TEAD4: variants seen among roughly 807,000 people sequenced by gnomAD.
TEAD4 encodes TEA domain transcription factor 4.
Under a neutral mutation model 52.4 loss-of-function variants are expected in TEAD4, and 36 were observed. That is an observed-to-expected ratio of 0.69 (90% CI 0.53 to 0.91). The LOEUF (loss-of-function observed/expected upper bound fraction) is 0.91, where lower values mean the gene tolerates loss of function less well. TEAD4 is among the 40% of genes least tolerant of loss of function. The pLI, the probability that TEAD4 is intolerant of heterozygous loss-of-function variation, is 0.00. For synonymous variants in TEAD4, 220 were observed against 231.0 expected, an observed-to-expected ratio of 0.95 and a Z score of 0.43; for missense variants, 508 against 583.9, an observed-to-expected ratio of 0.87 and a Z score of 1.34.
chr12:2,988,508 C>CAAAA (rs35233597), intron 2 of TEAD4, among the ~76,000 whole-genome samples: 1 of 131,326 alleles, frequency 7.6e-6, no homozygotes. Context: ...AAAAAAAGCT[C>CAAAA]AAAAAAAAAA....
intron 2 of TEAD4, among the ~76,000 whole-genome samples, chr12:2,962,006 T>C (rs1211255440): frequency 3.3e-5 from 5 of 152,084 alleles, no homozygotes; most frequent in Non-Finnish European, 7.4e-5. Context: ...TGCCAGCTTC[T>C]ATTTTCTGAT....
chr12:3,032,917 G>T (rs747640459), intron 10 of TEAD4, among the ~76,000 whole-genome samples: 1 of 152,300 alleles, frequency 6.6e-6, no homozygotes, highest in East Asian at 1.9e-4. Context: ...AGGCTGCCCC[G>T]GCTCCCCCCG....
chr12:2,990,119 A>G (rs1447442472), intron 2 of TEAD4, among the ~76,000 whole-genome samples: 1 of 152,172 alleles, frequency 6.6e-6, no homozygotes, highest in East Asian at 1.9e-4. Flanking sequence ...ATCTAGCTGT[A>G]TCTAAGTTGT....
Position 2,994,664 on chromosome 12 carries a change from C to T in TEAD4, c.-29-74C>T. 4 of 1,463,960 alleles carry T rather than the reference C, an allele frequency of 2.7e-6. No homozygotes were observed. The highest frequency in any genetic ancestry group is 2.7e-5 in the Admixed American group (1 of 37,280). 90.7% of individuals were successfully genotyped at this position (1,463,960 alleles called of 1,614,324 possible). On this transcript the variant is annotated intron_variant, in intron 2 of 12. Transcript: ENST00000359864. This position sits in a 1 kb window ranked among gnomAD's most constrained non-coding sequence, Gnocchi z 4.7. ...GCAACTGATTCGGGCTCTGGCACTC[C>T]CCGGAGTGCCTTCATCCCGTGGCCC...
intron 3 of TEAD4, among the ~76,000 whole-genome samples, chr12:3,008,237 G>A (rs2098257452): frequency 6.6e-6 from 1 of 152,188 alleles, no homozygotes; most frequent in Non-Finnish European, 1.5e-5. Flanking sequence ...GGTGGTCAGG[G>A]AAGAGACAGT....
intron 10 of TEAD4, among the ~76,000 whole-genome samples, chr12:3,026,427 C>G (rs886708280): frequency 4.6e-5 from 7 of 152,224 alleles, no homozygotes; most frequent in Non-Finnish European, 1.0e-4. Context: ...GCCCAGTGCT[C>G]CTGACATCAT....
intron 3 of TEAD4, among the ~76,000 whole-genome samples, chr12:2,998,065 T>C (rs537644773): frequency 6.6e-6 from 1 of 152,280 alleles, no homozygotes; most frequent in South Asian, 2.1e-4. Flanking sequence ...CTGACTCCTT[T>C]AGTTACCTCA....
intron 3 of TEAD4, among the ~76,000 whole-genome samples, chr12:2,999,417 A>T (rs1426585422): frequency 6.6e-6 from 1 of 152,168 alleles, no homozygotes; most frequent in Non-Finnish European, 1.5e-5. Context: ...CTGTTTGAGG[A>T]CAGGGGTTAG....
At chr12:3,029,269 ACT>A (rs2098273996) in intron 10 of TEAD4, among the ~76,000 whole-genome samples, 2 of 118,710 alleles carry the variant, frequency 1.7e-5, no homozygotes, top group Non-Finnish European at 3.3e-5. Flanking sequence ...ATGAAGTCTC[ACT>A]CTGTCACCCA....
At chr12:2,971,613 C>CTG (rs1355030512) in intron 2 of TEAD4, among the ~76,000 whole-genome samples, 2 of 144,186 alleles carry the variant, frequency 1.4e-5, no homozygotes, top group African/African-American at 5.1e-5. Context: ...GTAGCTGGGA[C>CTG]TACAGGCACC....
intron 6 of TEAD4, among the ~76,000 whole-genome samples, chr12:3,017,749 A>G (rs1191619109): frequency 6.6e-6 from 1 of 152,120 alleles, no homozygotes; most frequent in Non-Finnish European, 1.5e-5. Context: ...GACTCCACAG[A>G]CTTCACAAGG....
chr12:3,035,167 G>C (rs1301127319), intron 10 of TEAD4, among the ~76,000 whole-genome samples: 1 of 152,174 alleles, frequency 6.6e-6, no homozygotes, highest in Non-Finnish European at 1.5e-5. Context: ...TAGAATCCTT[G>C]ATTTCATGGA....
intron 7 of TEAD4, 138 bp from the exon 8 acceptor site, chr12:3,018,977 G>T: frequency 9.6e-7 from 1 of 1,044,444 alleles, no homozygotes; most frequent in South Asian, 1.4e-5. Context: ...GCAGGGGCGG[G>T]AGTAGGAGGC....
At chr12:2,961,439 A>G (rs1051307309) in intron 2 of TEAD4, among the ~76,000 whole-genome samples, 2 of 151,810 alleles carry the variant, frequency 1.3e-5, no homozygotes, top group African/African-American at 4.8e-5. Flanking sequence ...TCCTCCATCC[A>G]TCCTGAGGAT....
chr12:3,015,128 G>A, intron 5 of TEAD4, among the ~76,000 whole-genome samples: 1 of 152,164 alleles, frequency 6.6e-6, no homozygotes, highest in East Asian at 1.9e-4. Flanking sequence ...GGCCAAGGGG[G>A]GCCAGGGACA....
rs201444232 is a variant in TEAD4 at position 3,019,111 on chromosome 12, G to A, written c.528-4G>A. On this transcript the variant is annotated splice_polypyrimidine_tract_variant and splice_region_variant and intron_variant, in intron 7 of 12. Transcript: ENST00000359864. The stretch of plus-strand genomic sequence containing the variant: ...TGACACCTCCCCTCCTCTCTCTCCC[G>A]CAGTGTGAAGCCTTTCTCTCAGCAA... 20 of 1,613,776 alleles carry A rather than the reference G, an allele frequency of 1.2e-5. No individual in the cohort carries two copies. The East Asian group carries it at 1.8e-4, about 14-fold the overall frequency.
chr12:3,036,633 C>T (rs1452322987), intron 10 of TEAD4, among the ~76,000 whole-genome samples: 6 of 152,138 alleles, frequency 3.9e-5, no homozygotes, highest in Non-Finnish European at 7.4e-5. Flanking sequence ...GATTTCAGAC[C>T]GGGGTGTGGG....
At chr12:2,986,226 G>T (rs529414411) in intron 2 of TEAD4, among the ~76,000 whole-genome samples, 157 of 152,286 alleles carry the variant, frequency 1.0e-3, no homozygotes, top group Middle Eastern at 3.4e-3. Flanking sequence ...GCAGTAACTC[G>T]CATGGAGATA....
chr12:2,964,394 G>A (rs2098218491), intron 2 of TEAD4, among the ~76,000 whole-genome samples: 2 of 152,258 alleles, frequency 1.3e-5, no homozygotes, highest in Non-Finnish European at 2.9e-5. Flanking sequence ...TGGGTTGTGG[G>A]CAAAGCTCTG....
Sources: allele counts gnomAD v4.1 joint callset (sites outside exome capture counted in the v4.1 genomes callset), GRCh38; gene constraint gnomAD v4.1.1; non-coding constraint Gnocchi (gnomAD v3.1); transcripts MANE v1.5; gene names NCBI Gene and HGNC (gene_info 2026-07-23, HGNC 2026-07-21).